CTNNA2: variants seen among roughly 807,000 people sequenced by gnomAD.
CTNNA2 encodes the protein catenin alpha-2.
In CTNNA2, 42 loss-of-function variants were observed where a neutral mutation model predicts 101.0. The observed-to-expected ratio is 0.42, with a 90% confidence interval of 0.32 to 0.54. The LOEUF is 0.54. Among genes scored for constraint, CTNNA2 ranks in the 20% least tolerant of loss-of-function variants. The probability of loss-of-function intolerance (pLI) is 0.14; values close to 1 mark genes in which losing one functional copy is unlikely to be tolerated. For missense variants in CTNNA2, 871 were observed against 1,223.1 expected (o/e 0.71, Z 4.29); for synonymous variants, 450 against 456.4 (o/e 0.99, Z 0.18).
chr2:79,944,044 A>G (rs539131412), intron 7 of CTNNA2, among the ~76,000 whole-genome samples: 105 of 152,212 alleles, frequency 6.9e-4, no homozygotes, highest in Non-Finnish European at 1.4e-3. Flanking sequence ...AGAATGCTGC[A>G]GCCTGAAATT....
chr2:80,020,643 ACCC>A (rs1195989788), intron 7 of CTNNA2, among the ~76,000 whole-genome samples: 2 of 152,134 alleles, frequency 1.3e-5, no homozygotes, highest in African/African-American at 2.4e-5. Context: ...TATGCAGAGA[ACCC>A]CTTTTCAGGT....
At chr2:79,436,214 T>G (rs1435793671) in intron 4 of CTNNA2, among the ~76,000 whole-genome samples, 1 of 152,170 alleles carries the variant, frequency 6.6e-6, no homozygotes. Flanking sequence ...AACTTGGAGA[T>G]GTCATCAGGA....
At chr2:79,700,105 T>C (rs1022352882) in intron 2 of CTNNA2, among the ~76,000 whole-genome samples, 1 of 151,918 alleles carries the variant, frequency 6.6e-6, no homozygotes, top group Non-Finnish European at 1.5e-5. Context: ...ATTATTCAAA[T>C]GTAATCAACA....
chr2:79,300,984 T>C (rs1385655877), intron 2 of CTNNA2, among the ~76,000 whole-genome samples: 3 of 152,208 alleles, frequency 2.0e-5, no homozygotes, highest in African/African-American at 7.2e-5. Flanking sequence ...TGTAACATTT[T>C]TCCTGACCTC....
At chr2:79,211,025 C>T (rs982593964) in intron 2 of CTNNA2, among the ~76,000 whole-genome samples, 5 of 152,160 alleles carry the variant, frequency 3.3e-5, no homozygotes, top group African/African-American at 1.2e-4. Flanking sequence ...CTACCTGAAA[C>T]TTCCCAAATA....
At chr2:79,317,760 A>G (rs546377380) in intron 3 of CTNNA2, among the ~76,000 whole-genome samples, 1 of 152,266 alleles carries the variant, frequency 6.6e-6, no homozygotes, top group Non-Finnish European at 1.5e-5. Flanking sequence ...ATCAAGGCCT[A>G]TAAAAGTCTT....
intron 13 of CTNNA2, among the ~76,000 whole-genome samples, chr2:80,579,771 C>T (rs1176469135): frequency 6.6e-6 from 1 of 152,172 alleles, no homozygotes; most frequent in Non-Finnish European, 1.5e-5. Flanking sequence ...ACGAAGGACC[C>T]CATTTTATGC....
At chr2:80,045,470 C>T (rs10865449) in intron 7 of CTNNA2, among the ~76,000 whole-genome samples, 68,742 of 151,992 alleles carry the variant, frequency 0.45, 17,333 homozygotes, top group East Asian at 0.87. Flanking sequence ...TTGACAGATG[C>T]GTATTAAGTG....
chr2:79,259,114 GAAATCAGCT>G lies in CTNNA2; in HGVS notation c.-405-53593_-405-53585del, dbSNP rs1232978277. ...AGAGTGATCAGATCCCTATTTCTACGAAATCAGCTATATCAGGGAGCCCAGTATTTTATC... is the reference window on the plus strand; with the variant it reads ...AGAGTGATCAGATCCCTATTTCTACGATATCAGGGAGCCCAGTATTTTATC... On this transcript the variant is annotated intron_variant, in intron 2 of 21. Transcript: ENST00000466387. Among the ~76,000 whole-genome samples the G allele has an allele frequency of 2.0e-5, 3 of 152,174 alleles. No homozygotes were observed. The South Asian group carries it at 6.2e-4, about 32-fold the overall frequency.
At chr2:80,489,347 T>C (rs578096685) in intron 9 of CTNNA2, among the ~76,000 whole-genome samples, 1 of 152,238 alleles carries the variant, frequency 6.6e-6, no homozygotes, top group South Asian at 2.1e-4. Flanking sequence ...ATTTTAATGA[T>C]TGGCAATCAA....
intron 2 of CTNNA2, among the ~76,000 whole-genome samples, chr2:79,308,715 T>C (rs1302670879): frequency 6.6e-6 from 1 of 151,952 alleles, no homozygotes; most frequent in Non-Finnish European, 1.5e-5. Context: ...TTCATTCTCC[T>C]GCATATGGAT....
intron 7 of CTNNA2, among the ~76,000 whole-genome samples, chr2:80,371,740 A>C (rs566325463): frequency 6.6e-6 from 1 of 152,314 alleles, no homozygotes; most frequent in African/African-American, 2.4e-5. Flanking sequence ...AGCACAGTCT[A>C]TTTGAGCAAT....
Position 79,459,075 on chromosome 2 carries a change from T to C in CTNNA2, c.-134-45979T>C, listed in dbSNP as rs945329668. Among the ~76,000 whole-genome samples the C allele has an allele frequency of 3.9e-5, 6 of 152,144 alleles. No individual in the cohort carries two copies. The South Asian group carries it at 1.2e-3, about 31-fold the overall frequency. Reference sequence around the variant, plus strand: ...AAACCTGATAGAATTTAAAATATGATTACATATGAAGTACATTCAAGATGA... The same window carrying C: ...AAACCTGATAGAATTTAAAATATGACTACATATGAAGTACATTCAAGATGA... On this transcript the variant is annotated intron_variant, in intron 4 of 21. Transcript: ENST00000466387.
At chr2:79,298,209 G>T (rs995544651) in intron 2 of CTNNA2, among the ~76,000 whole-genome samples, 3 of 152,160 alleles carry the variant, frequency 2.0e-5, no homozygotes, top group African/African-American at 7.2e-5. Flanking sequence ...AAAGGCAAAG[G>T]GGGTGCAGTC....
At chr2:79,546,857 G>A (rs1002059375) in intron 1 of CTNNA2, among the ~76,000 whole-genome samples, 1 of 152,178 alleles carries the variant, frequency 6.6e-6, no homozygotes, top group African/African-American at 2.4e-5. Flanking sequence ...TTATTTTGAA[G>A]AAGTTAAGGA....
intron 6 of CTNNA2, among the ~76,000 whole-genome samples, chr2:79,880,605 A>G (rs946921433): frequency 3.3e-5 from 5 of 152,282 alleles, no homozygotes; most frequent in South Asian, 2.1e-4. Flanking sequence ...TGATTTGCAT[A>G]GAGGTGTTTA....
At chr2:80,371,738 C>T (rs56012209) in intron 7 of CTNNA2, among the ~76,000 whole-genome samples, 1 of 152,106 alleles carries the variant, frequency 6.6e-6, no homozygotes, top group African/African-American at 2.4e-5. Context: ...AAAGCACAGT[C>T]TATTTGAGCA....
At chr2:79,961,341 G>T (rs1167853205) in intron 7 of CTNNA2, among the ~76,000 whole-genome samples, 1 of 152,084 alleles carries the variant, frequency 6.6e-6, no homozygotes, top group Admixed American at 6.6e-5. Flanking sequence ...GCAGCTCCCA[G>T]CACTCTATCA....
At position 79,354,172 on chromosome 2, in the gene CTNNA2, T is replaced by C. The variant is rs146343415; in HGVS notation, c.-317-19659T>C. 5.3e-5 allele frequency among the ~76,000 whole-genome samples: 8 copies of C among 152,248 alleles called. No homozygotes were observed. The East Asian group carries it at 1.6e-3, about 30-fold the overall frequency. ...GTGTCTTGGGGATGATTGTTTTTTA[T>C]AGTATCTCACAAGGGTTCTCCGAAT... On this transcript the variant is annotated intron_variant, in intron 3 of 21. Transcript: ENST00000466387.
Sources: allele counts gnomAD v4.1 joint callset (sites outside exome capture counted in the v4.1 genomes callset), GRCh38; gene constraint gnomAD v4.1.1; transcripts MANE v1.5; gene names NCBI Gene and HGNC (gene_info 2026-07-23, HGNC 2026-07-21).